Variants in FBXO4 observed in about 807,000 individuals in gnomAD.
FBXO4 encodes the protein F-box protein 4, also known as F-box only protein 4.
A neutral mutation model predicts 43.7 loss-of-function variants in FBXO4; 36 were observed. The ratio of observed to expected loss-of-function variants is 0.82; its 90% CI spans 0.63 to 1.09. The LOEUF (loss-of-function observed/expected upper bound fraction) is 1.09. FBXO4 is among the 50% of genes least tolerant of loss of function. The pLI is 0.00. For synonymous variants in FBXO4, 180 were observed against 165.6 expected (o/e 1.09, Z -0.67); for missense variants, 435 against 474.1 (o/e 0.92, Z 0.77).
the FBXO4 span, among the ~76,000 whole-genome samples, chr5:42,030,888 C>T: frequency 6.6e-6 from 1 of 152,166 alleles, no homozygotes; most frequent in African/African-American, 2.4e-5. Context: ...CAGAGAAATG[C>T]AAATCAAAAC....
intron 5 of FBXO4, among the ~76,000 whole-genome samples, chr5:41,937,642 A>G (rs557305806): frequency 1.3e-5 from 2 of 152,334 alleles, no homozygotes; most frequent in Admixed American, 1.3e-4. Context: ...TTACAGATCA[A>G]TAAATGAATT....
chr5:41,997,749 G>A, the FBXO4 span, among the ~76,000 whole-genome samples: 1 of 152,162 alleles, frequency 6.6e-6, no homozygotes, highest in African/African-American at 2.4e-5. Context: ...CAAAATGTTG[G>A]ATCATTTCCC....
chr5:41,971,043 A>T, the FBXO4 span, among the ~76,000 whole-genome samples: 1 of 152,076 alleles, frequency 6.6e-6, no homozygotes, highest in African/African-American at 2.4e-5. Context: ...TGGACAAATA[A>T]ACTGTATGTA....
chr5:42,027,858 T>C, the FBXO4 span, among the ~76,000 whole-genome samples: 1 of 151,964 alleles, frequency 6.6e-6, no homozygotes, highest in Admixed American at 6.6e-5. Flanking sequence ...CCTCTTGTTA[T>C]TGACGTTTGG....
chr5:41,949,856 C>T, the FBXO4 span, among the ~76,000 whole-genome samples: 2 of 152,072 alleles, frequency 1.3e-5, no homozygotes, highest in East Asian at 3.9e-4. Flanking sequence ...GGTACTGGTA[C>T]CAAAACAGAT....
the FBXO4 span, among the ~76,000 whole-genome samples, chr5:42,006,837 A>T: frequency 6.9e-6 from 1 of 145,606 alleles, no homozygotes; most frequent in Non-Finnish European, 1.5e-5. Flanking sequence ...AGGCTTTAAG[A>T]TAAAACATTT....
chr5:42,034,302 A>C, the FBXO4 span, among the ~76,000 whole-genome samples: 4 of 152,072 alleles, frequency 2.6e-5, no homozygotes, highest in Non-Finnish European at 5.9e-5. Context: ...ATTTTCTCCC[A>C]TTCTGTAGGC....
chr5:41,949,907 G>A, the FBXO4 span, among the ~76,000 whole-genome samples: 3 of 152,154 alleles, frequency 2.0e-5, no homozygotes, highest in South Asian at 2.1e-4. Flanking sequence ...CAGAAATAAT[G>A]CCACATATCT....
At chr5:41,968,592 T>C in the FBXO4 span, among the ~76,000 whole-genome samples, 6 of 152,190 alleles carry the variant, frequency 3.9e-5, no homozygotes, top group Admixed American at 3.9e-4. Flanking sequence ...TTTTTTGCCT[T>C]TGTGTCCCAG....
At chr5:42,037,828 A>G in the FBXO4 span, among the ~76,000 whole-genome samples, 2 of 152,060 alleles carry the variant, frequency 1.3e-5, no homozygotes, top group Admixed American at 6.6e-5. Flanking sequence ...TTAAAAATCC[A>G]CAATCCCCTT....
At chr5:41,999,531 A>ATG in the FBXO4 span, among the ~76,000 whole-genome samples, 1 of 102,370 alleles carries the variant, frequency 9.8e-6, no homozygotes, top group African/African-American at 5.2e-5. Context: ...ATACATATAT[A>ATG]TATACATATA....
chr5:42,010,083 T>C, the FBXO4 span, among the ~76,000 whole-genome samples: 5 of 152,220 alleles, frequency 3.3e-5, no homozygotes, highest in African/African-American at 1.2e-4. Context: ...AGCATAATTA[T>C]AAGGTACCTT....
At chr5:41,937,714 C>A (rs1313538216) in intron 5 of FBXO4, among the ~76,000 whole-genome samples, 7 of 152,156 alleles carry the variant, frequency 4.6e-5, no homozygotes, top group Non-Finnish European at 8.8e-5. Context: ...GATTAAGGCA[C>A]CAGCATCTGG....
the FBXO4 span, among the ~76,000 whole-genome samples, chr5:42,034,606 T>C: frequency 6.6e-6 from 1 of 152,342 alleles, no homozygotes; most frequent in South Asian, 2.1e-4. Context: ...CCCAGCACCA[T>C]TTATTAAATA....
chr5:41,970,575 A>T, the FBXO4 span, among the ~76,000 whole-genome samples: 6 of 142,902 alleles, frequency 4.2e-5, no homozygotes, highest in African/African-American at 1.6e-4. Flanking sequence ...GTTAATTGTT[A>T]AAAAAAAAAA....
the FBXO4 span, among the ~76,000 whole-genome samples, chr5:42,034,480 G>A: frequency 6.6e-5 from 10 of 151,990 alleles, no homozygotes; most frequent in African/African-American, 2.4e-4. Flanking sequence ...TTTCTTCTAG[G>A]GTTTTTATGG....
the FBXO4 span, among the ~76,000 whole-genome samples, chr5:41,958,468 G>A: frequency 2.0e-3 from 299 of 152,256 alleles, 4 homozygotes; most frequent in Non-Finnish European, 3.6e-3. Context: ...GTTATTAATT[G>A]TAGTAAACAT....
At chr5:41,927,855 T>C (rs941260568) in intron 2 of FBXO4, among the ~76,000 whole-genome samples, 3 of 152,178 alleles carry the variant, frequency 2.0e-5, no homozygotes, top group Non-Finnish European at 4.4e-5. Flanking sequence ...CCTAAAGTCA[T>C]ATAGCTTGTA....
the FBXO4 span, among the ~76,000 whole-genome samples, chr5:42,004,470 T>C: frequency 3.9e-5 from 6 of 152,284 alleles, no homozygotes; most frequent in Admixed American, 3.9e-4. Context: ...AAATAATGTA[T>C]GTAATACTCA....
Sources: gnomAD v4.1 joint callset for allele counts (sites outside exome capture counted in the v4.1 genomes callset) on GRCh38, gnomAD v4.1.1 for gene constraint, MANE v1.5 for transcripts, NCBI Gene and HGNC (gene_info 2026-07-23, HGNC 2026-07-21) for gene names.